Variants in VKORC1L1 observed in about 807,000 individuals in gnomAD.
VKORC1L1 encodes the protein vitamin K epoxide reductase complex subunit 1L1.
Under a neutral mutation model 18.9 loss-of-function variants are expected in VKORC1L1, and 2 were observed. The observed-to-expected ratio is 0.11, with a 90% CI of 0.04 to 0.33. The LOEUF (loss-of-function observed/expected upper bound fraction) is 0.33, where lower values mean the gene tolerates loss of function less well. Among genes scored for constraint, VKORC1L1 ranks in the 10% least tolerant of loss-of-function variants. VKORC1L1 has a pLI of 1.00. For missense variants in VKORC1L1, 123 were observed against 224.1 expected (o/e 0.55, Z 2.88); for synonymous variants, 96 against 100.0 (o/e 0.96, Z 0.24).
chr7:65,901,718 G>C (rs554366257), intron 1 of VKORC1L1, among the ~76,000 whole-genome samples: 42 of 152,248 alleles, frequency 2.8e-4, no homozygotes, highest in African/African-American at 1.0e-3. Context: ...GTACCAGAGA[G>C]GTGGGAGTTG....
chr7:65,901,058 T>G (rs751750571), intron 1 of VKORC1L1, among the ~76,000 whole-genome samples: 30 of 152,214 alleles, frequency 2.0e-4, no homozygotes, highest in Non-Finnish European at 3.7e-4. Flanking sequence ...CTTTCAAGAT[T>G]CAAGAATCAG....
At chr7:65,882,832 C>G (rs1444688358) in intron 1 of VKORC1L1, among the ~76,000 whole-genome samples, 17 of 152,122 alleles carry the variant, frequency 1.1e-4, no homozygotes, top group Non-Finnish European at 4.4e-5. Flanking sequence ...TTACGACTAC[C>G]AAGTATTCAT....
rs538835183 is a variant in VKORC1L1 at position 65,888,148 on chromosome 7, A to G, written c.194+14583A>G. ...GTGGTGCTAGAAATTGAGAAATTAC[A>G]GTAATTTCTTATTATTCTGGTCAGA... On this transcript the variant is annotated intron_variant, in intron 1 of 2. Transcript: ENST00000360768. Among the ~76,000 whole-genome samples the G allele has an allele frequency of 1.9e-3, 290 of 152,324 alleles. 3 individuals are homozygous for G. Among genetic ancestry groups the G allele is most frequent in the African/African-American group, 6.8e-3 (283 of 41,576 alleles).
At chr7:65,911,156 G>T (rs905381242) in intron 1 of VKORC1L1, among the ~76,000 whole-genome samples, 1 of 152,042 alleles carries the variant, frequency 6.6e-6, no homozygotes, top group African/African-American at 2.4e-5. Flanking sequence ...ACTGTCCTGT[G>T]GTTTACTATA....
chr7:65,874,727 A>T (rs1390060193), intron 1 of VKORC1L1, among the ~76,000 whole-genome samples: 1 of 152,040 alleles, frequency 6.6e-6, no homozygotes, highest in Non-Finnish European at 1.5e-5. Flanking sequence ...AATTGCTTGA[A>T]CCTGGGAGGC....
At chr7:65,871,713 C>A (rs1341758449), upstream of VKORC1L1, among the ~76,000 whole-genome samples, 5 of 152,256 alleles carry the variant, frequency 3.3e-5, no homozygotes, top group Non-Finnish European at 5.9e-5. Context: ...CCAGAGAGGA[C>A]CTCAGGCCTG....
chr7:65,882,057 G>A (rs999622563), intron 1 of VKORC1L1, among the ~76,000 whole-genome samples: 6 of 151,460 alleles, frequency 4.0e-5, no homozygotes, highest in African/African-American at 1.5e-4. Flanking sequence ...TCCAGCCTGA[G>A]CGACAGAGCA....
At chr7:65,884,029 A>T (rs1788972567) in intron 1 of VKORC1L1, among the ~76,000 whole-genome samples, 1 of 152,202 alleles carries the variant, frequency 6.6e-6, no homozygotes. Context: ...TCAGGAATTA[A>T]AGTAGACAGT....
In VKORC1L1 at chr7:65,928,455, C is replaced by CA. The variant is rs370248773; in HGVS notation, c.195-20215dup. Among the ~76,000 whole-genome samples the CA allele has an allele frequency of 5.3e-4, 81 of 152,182 alleles. 1 individual carries two copies. The highest frequency in any genetic ancestry group is 2.0e-3 in the African/African-American group (81 of 41,522). On this transcript the variant is annotated intron_variant, in intron 1 of 2. Transcript: ENST00000360768. ...CTGGCATGTGTTTATTCTCTACCCT[C>CA]ATAGTTTTACCTTTTCCAGAATATC...
intron 1 of VKORC1L1, among the ~76,000 whole-genome samples, chr7:65,891,858 G>T (rs1789115619): frequency 6.6e-6 from 1 of 152,078 alleles, no homozygotes. Flanking sequence ...ATAAATCATT[G>T]TTAACTGTAG....
chr7:65,897,834 G>A (rs535134848), intron 1 of VKORC1L1, among the ~76,000 whole-genome samples: 4 of 151,980 alleles, frequency 2.6e-5, no homozygotes, highest in Admixed American at 2.6e-4. Flanking sequence ...AAAATAGTGT[G>A]TATACATCAA....
intron 1 of VKORC1L1, among the ~76,000 whole-genome samples, chr7:65,883,219 G>A (rs1788957637): frequency 1.4e-5 from 2 of 139,714 alleles, no homozygotes; most frequent in African/African-American, 5.5e-5. Flanking sequence ...TCGGCTCACT[G>A]CAACCTCCAC....
chr7:65,921,561 AT>A (rs1173216479), intron 1 of VKORC1L1, among the ~76,000 whole-genome samples: 1 of 152,096 alleles, frequency 6.6e-6, no homozygotes, highest in Non-Finnish European at 1.5e-5. Context: ...AATTAAAAAA[AT>A]TTTTGGCCGG....
intron 1 of VKORC1L1, among the ~76,000 whole-genome samples, chr7:65,909,791 C>CACTGCA (rs71293182): frequency 0.12 from 18,321 of 149,660 alleles, 1,291 homozygotes; most frequent in Middle Eastern, 0.21. Flanking sequence ...AATCTCAGCT[C>CACTGCA]ACTGCAACCT....
At chr7:65,939,227 T>C (rs1235513804) in intron 1 of VKORC1L1, among the ~76,000 whole-genome samples, 6 of 152,222 alleles carry the variant, frequency 3.9e-5, no homozygotes, top group Non-Finnish European at 8.8e-5. Context: ...CATTCAGAAA[T>C]ACTATCCTGT....
At chr7:65,907,946 A>G (rs1267603438) in intron 1 of VKORC1L1, among the ~76,000 whole-genome samples, 1 of 152,154 alleles carries the variant, frequency 6.6e-6, no homozygotes, top group Non-Finnish European at 1.5e-5. Context: ...ATTAAGTATG[A>G]AAATGTGCTC....
intron 1 of VKORC1L1, among the ~76,000 whole-genome samples, chr7:65,904,019 G>A (rs1236275294): frequency 1.3e-5 from 2 of 152,032 alleles, no homozygotes; most frequent in African/African-American, 2.4e-5. Flanking sequence ...CTTTTTGCAC[G>A]ATGGAAATGT....
intron 1 of VKORC1L1, among the ~76,000 whole-genome samples, chr7:65,947,901 G>T (rs1461985947): frequency 6.6e-6 from 1 of 152,090 alleles, no homozygotes; most frequent in Non-Finnish European, 1.5e-5. Context: ...ATGCTGGCCA[G>T]CCTGGTCTCG....
chr7:65,898,408 A>G (rs1789254592), intron 1 of VKORC1L1, among the ~76,000 whole-genome samples: 2 of 152,060 alleles, frequency 1.3e-5, no homozygotes, highest in Non-Finnish European at 2.9e-5. Context: ...AAAAGGAGTA[A>G]GGCAGTTGTA....
Sources: allele counts gnomAD v4.1 joint callset (sites outside exome capture counted in the v4.1 genomes callset), GRCh38; gene constraint gnomAD v4.1.1; transcripts MANE v1.5; gene names NCBI Gene and HGNC (gene_info 2026-07-23, HGNC 2026-07-21).